GGACT: variants seen among roughly 807,000 people sequenced by gnomAD.
GGACT encodes the protein gamma-glutamylaminecyclotransferase.
For synonymous variants in GGACT, 118 were observed against 115.3 expected (o/e 1.02, Z -0.15); for missense variants, 241 against 233.2 (o/e 1.03, Z -0.22).
chr13:100,566,443 C>T lies in GGACT; in HGVS notation c.-11+17382G>A, dbSNP rs562206925. On this transcript the variant is annotated intron_variant, in intron 2 of 2. Coordinates refer to ENST00000683975, the MANE Select transcript of GGACT (RefSeq NM_001195087.2). ...TCAGCACTCTGCCTGGCAAAATCCT[C>T]CTTGTGCTTCCAGGTTACTTCAAAC... is the stretch of plus-strand genomic sequence containing the variant. Among the ~76,000 whole-genome samples, 3 of 152,370 alleles carry T rather than the reference C, an allele frequency of 2.0e-5. No homozygotes were observed. The South Asian group carries it at 6.2e-4, about 32-fold the overall frequency.
At position 100,545,802 on chromosome 13, in the gene GGACT, T is replaced by A. The variant is rs569382008; in HGVS notation, c.-10-13201A>T. 2.2e-4 allele frequency among the ~76,000 whole-genome samples: 33 copies of A among 152,280 alleles called. No homozygotes were observed. Among genetic ancestry groups the A allele is most frequent in the African/African-American group, 7.9e-4 (33 of 41,568 alleles). On this transcript the variant is annotated intron_variant, in intron 2 of 2. Coordinates refer to ENST00000683975, the MANE Select transcript of GGACT (RefSeq NM_001195087.2). The surrounding 1 kb of genome is among the most constrained non-coding windows in gnomAD (Gnocchi z 4.4). ...CTTGGGTGAGCTGCTGCACTTCCCA[T>A]TGCAAGCAGAACCTGTTCCCCCTAC...
At position 100,532,002 on chromosome 13, in the gene GGACT, A is replaced by G. The variant is rs2088396993; in HGVS notation, c.*128T>C. On this transcript the variant is annotated 3_prime_UTR_variant, in exon 3 of 3. Coordinates refer to ENST00000683975, the MANE Select transcript of GGACT (RefSeq NM_001195087.2). ...TATTTGTAAAATCAGCTGCCACTGAAAGATTGGTTCCTTTCCGGCAGATTC... is the reference window on the plus strand; with the variant it reads ...TATTTGTAAAATCAGCTGCCACTGAGAGATTGGTTCCTTTCCGGCAGATTC... The G allele has an allele frequency of 3.6e-6, 2 of 556,468 alleles. No homozygotes were observed. The highest frequency in any genetic ancestry group is 5.8e-6 in the Non-Finnish European group (2 of 347,188). The allele number at this position is 556,468 out of a possible 1,614,324, so 34.5% of individuals were successfully genotyped here.
chr13:100,534,254 C>T lies in GGACT; in HGVS notation c.-10-1653G>A, dbSNP rs916835994. Among the ~76,000 whole-genome samples, 2 of 152,140 alleles carry T rather than the reference C, an allele frequency of 1.3e-5. No individual in the cohort carries two copies. The highest frequency in any genetic ancestry group is 4.8e-5 in the African/African-American group (2 of 41,428). The stretch of plus-strand genomic sequence containing the variant: ...CACATTGCACTAGGAAAGGTGTGGC[C>T]GTGGGAAAAACACAAGGCTAGCCAG... On this transcript the variant is annotated intron_variant, in intron 2 of 2. Coordinates refer to ENST00000683975, the MANE Select transcript of GGACT (RefSeq NM_001195087.2). The surrounding 1 kb of genome is among the most constrained non-coding windows in gnomAD (Gnocchi z 4.9).
intron 2 of GGACT, chr13:100,538,453 A>G (rs1310481094): frequency 6.6e-6 from 1 of 152,262 alleles, no homozygotes; most frequent in Non-Finnish European, 1.5e-5. Flanking sequence ...TAAAATACAC[A>G]TAACATAAAA....
chr13:100,566,422 C>G (rs922849753), intron 2 of GGACT, among the ~76,000 whole-genome samples: 1 of 152,244 alleles, frequency 6.6e-6, no homozygotes, highest in Non-Finnish European at 1.5e-5. Context: ...CACTCCTCAG[C>G]ACTCTGCCTG....
At chr13:100,543,823 T>C (rs968129934) in intron 2 of GGACT, among the ~76,000 whole-genome samples, 4 of 152,254 alleles carry the variant, frequency 2.6e-5, no homozygotes, top group Non-Finnish European at 2.9e-5. Context: ...GAAGGTGGCA[T>C]GGCAAAGAGC....
chr13:100,532,141 C>T lies in GGACT; in HGVS notation c.451G>A (p.Glu151Lys). 1 of 1,450,654 alleles carries T rather than the reference C, an allele frequency of 6.9e-7. No individual in the cohort carries two copies. Among genetic ancestry groups the T allele is most frequent in the South Asian group, 1.5e-5 (1 of 68,484 alleles). The allele number at this position is 1,450,654 out of a possible 1,614,324, so 89.9% of individuals were successfully genotyped here. The change falls in exon 3 of 3, where the codon GAG becomes AAG. Residue 151 changes from glutamate (E) to lysine (K), a missense_variant. Transcript: ENST00000683975. ...GPHGLRYNPR[E>K]NR ...CCTGCCCGTCCCCCTTATCTGTTCT[C>T]CCGGGGGTTGTAGCGCAGCCCGTGC... is the stretch of plus-strand genomic sequence containing the variant.
At position 100,555,717 on chromosome 13, in the gene GGACT, A is replaced by C. The variant is rs1319538796; in HGVS notation, c.-10-23116T>G. On this transcript the variant is annotated intron_variant, in intron 2 of 2. Transcript: ENST00000683975. The stretch of plus-strand genomic sequence containing the variant: ...AAAAAATTACAGGCCACTGTCCATC[A>C]TAAACATAAATGTAAGAGTCTTGAA... Among the ~76,000 whole-genome samples the C allele has an allele frequency of 2.6e-5, 4 of 152,174 alleles. 1 individual carries two copies. The East Asian group carries it at 7.7e-4, about 29-fold the overall frequency.
intron 2 of GGACT, chr13:100,540,358 G>C: frequency 1.5e-6 from 1 of 661,336 alleles, no homozygotes; most frequent in South Asian, 1.7e-5. Context: ...AGTAGGTTGT[G>C]TCTTTCTAGG....
chr13:100,573,717 C>G (rs1257084386), intron 2 of GGACT, among the ~76,000 whole-genome samples: 1 of 151,986 alleles, frequency 6.6e-6, no homozygotes, highest in Admixed American at 6.6e-5. Context: ...AACAAATAAA[C>G]CCATTAAAAA....
At chr13:100,565,962 C>T (rs762568398) in intron 2 of GGACT, among the ~76,000 whole-genome samples, 2 of 152,220 alleles carry the variant, frequency 1.3e-5, no homozygotes, top group African/African-American at 4.8e-5. Flanking sequence ...GCTCTCAGAT[C>T]CCCTACTGTG....
chr13:100,556,592 GTT>G (rs527630027), intron 2 of GGACT, among the ~76,000 whole-genome samples: 1 of 148,320 alleles, frequency 6.7e-6, no homozygotes, highest in African/African-American at 2.5e-5. Flanking sequence ...AATCCCAGGG[GTT>G]TTTTTTTTGT....
chr13:100,575,166 C>G (rs774208345), intron 2 of GGACT, among the ~76,000 whole-genome samples: 1 of 152,164 alleles, frequency 6.6e-6, no homozygotes, highest in African/African-American at 2.4e-5. Flanking sequence ...CAGGAATCTT[C>G]GTTCTGTGTC....
At chr13:100,537,044 T>C (rs183925679) in intron 2 of GGACT, 18 of 152,424 alleles carry the variant, frequency 1.2e-4, no homozygotes, top group African/African-American at 4.1e-4. Context: ...GCTTAAGTTT[T>C]GGGTGTCTCT....
chr13:100,531,865 A>T lies in GGACT; in HGVS notation c.*265T>A, dbSNP rs532271873. ...AGAAACAACACGAGGAGGAAGAAGA[A>T]TTAGGCATAACACGAGTTCTCTAAA... is the stretch of plus-strand genomic sequence containing the variant. On this transcript the variant is annotated 3_prime_UTR_variant, in exon 3 of 3. Transcript: ENST00000683975. The T allele has an allele frequency of 6.5e-5, 25 of 383,720 alleles. 1 individual carries two copies. In the South Asian group the frequency reaches 2.1e-3, roughly 32 times the overall value. 23.8% of individuals were successfully genotyped at this position (383,720 alleles called of 1,614,324 possible).
At chr13:100,539,674 G>A (rs138172874) in intron 2 of GGACT, 24 of 534,816 alleles carry the variant, frequency 4.5e-5, no homozygotes, top group African/African-American at 2.9e-4. Context: ...CTTTCTTGGA[G>A]TGTCTTTGGC....
intron 2 of GGACT, among the ~76,000 whole-genome samples, chr13:100,554,293 G>GA (rs2088693865): frequency 6.6e-6 from 1 of 152,070 alleles, no homozygotes; most frequent in Admixed American, 6.5e-5. Flanking sequence ...CTCTCAGATT[G>GA]AAAAAACTCC....
intron 2 of GGACT, chr13:100,539,609 G>A (rs989846049): frequency 9.0e-6 from 4 of 444,132 alleles, no homozygotes; most frequent in African/African-American, 8.1e-5. Flanking sequence ...GTTTGCTAGT[G>A]TGTTGTTTAG....
Position 100,545,386 on chromosome 13 carries a change from G to A in GGACT, c.-10-12785C>T, listed in dbSNP as rs1325388103. Among the ~76,000 whole-genome samples, 1 of 152,158 alleles carries A rather than the reference G, an allele frequency of 6.6e-6. No homozygotes were observed. The highest frequency in any genetic ancestry group is 2.4e-5 in the African/African-American group (1 of 41,458). On this transcript the variant is annotated intron_variant, in intron 2 of 2. Coordinates refer to ENST00000683975, the MANE Select transcript of GGACT (RefSeq NM_001195087.2). This position sits in a 1 kb window ranked among gnomAD's most constrained non-coding sequence, Gnocchi z 4.4. ...CAGGCAAGGGCAGCAGAGCCTTCAC[G>A]TCCCTTCCTGACCTCCTTCCTGACC... is the stretch of plus-strand genomic sequence containing the variant.
Sources: allele counts gnomAD v4.1 joint callset (sites outside exome capture counted in the v4.1 genomes callset), GRCh38; gene constraint gnomAD v4.1.1; non-coding constraint Gnocchi (gnomAD v3.1); transcripts MANE v1.5; gene names NCBI Gene and HGNC (gene_info 2026-07-23, HGNC 2026-07-21).